Variants in RICTOR observed in about 807,000 individuals in gnomAD.
RICTOR encodes RPTOR independent companion of MTOR complex 2.
Under a neutral mutation model 214.9 loss-of-function variants are expected in RICTOR, and 49 were observed. That is an observed-to-expected ratio of 0.23 (90% CI 0.18 to 0.29). The LOEUF (loss-of-function observed/expected upper bound fraction) is 0.29. Among genes scored for constraint, RICTOR ranks in the 10% least tolerant of loss-of-function variants. RICTOR has a pLI of 1.00. For missense variants in RICTOR, 1,625 were observed against 2,047.0 expected (o/e 0.79, Z 3.98); for synonymous variants, 717 against 711.3 (o/e 1.01, Z -0.13).
At chr5:39,004,749 G>A (rs1006657706) in intron 3 of RICTOR, among the ~76,000 whole-genome samples, 5 of 150,078 alleles carry the variant, frequency 3.3e-5, no homozygotes, top group Non-Finnish European at 5.9e-5. Context: ...TTACAGGCGT[G>A]AGCCACCGCA....
chr5:39,031,210 G>T (rs924628734), intron 2 of RICTOR, among the ~76,000 whole-genome samples: 2 of 152,130 alleles, frequency 1.3e-5, no homozygotes, highest in African/African-American at 4.8e-5. Context: ...GATTATTACA[G>T]TTAATGACTG....
chr5:38,984,665 T>A (rs1218680284), intron 7 of RICTOR, among the ~76,000 whole-genome samples: 3 of 152,188 alleles, frequency 2.0e-5, no homozygotes, highest in African/African-American at 7.2e-5. Context: ...TCTTTTTTTT[T>A]AGCTTAAACT....
intron 32 of RICTOR, among the ~76,000 whole-genome samples, 173 bp downstream of exon 32, chr5:38,947,091 T>C (rs1249784219): frequency 1.3e-5 from 2 of 152,074 alleles, no homozygotes; most frequent in African/African-American, 2.4e-5. Context: ...TACAGAGTAG[T>C]TGAAAAGGGC....
chr5:39,064,237 CA>C (rs1401461613), intron 2 of RICTOR, among the ~76,000 whole-genome samples: 2 of 152,098 alleles, frequency 1.3e-5, no homozygotes, highest in South Asian at 4.1e-4. Context: ...GCCACTGTAA[CA>C]AAAAAACACA....
rs1753729851 is a variant in RICTOR, at chr5:39,002,644, C to T, written c.283G>A (p.Glu95Lys). ...IICLRLALLNEAKEVRAAGLR... is the reference protein window; with the variant it reads ...IICLRLALLNKAKEVRAAGLR... ...CCTGCTGCTCGCACTTCTTTTGCTT[C>T]ATTTAATAAAGCTAACCGCAAACTG... Residue 95 changes from glutamate (E) to lysine (K), a missense_variant, in exon 5 of 38, where the codon GAA becomes AAA. Around this residue, in one of 5 missense-constraint regions of RICTOR, gnomAD observed 258 missense variants for 393.7 expected, o/e 0.66. Coordinates refer to ENST00000357387, the MANE Select transcript of RICTOR (RefSeq NM_152756.5). The T allele has an allele frequency of 6.2e-7, 1 of 1,609,130 alleles. No individual in the cohort carries two copies. Among genetic ancestry groups the T allele is most frequent in the Non-Finnish European group, 8.5e-7 (1 of 1,178,104 alleles).
chr5:39,065,353 A>G (rs185533106), intron 2 of RICTOR, among the ~76,000 whole-genome samples: 38 of 152,294 alleles, frequency 2.5e-4, no homozygotes, highest in African/African-American at 9.1e-4. Flanking sequence ...ATCCACTCCC[A>G]TGACCCAAAC....
At chr5:38,991,366 T>C (rs764768653) in intron 6 of RICTOR, among the ~76,000 whole-genome samples, 6 of 152,124 alleles carry the variant, frequency 3.9e-5, no homozygotes, top group Non-Finnish European at 5.9e-5. Context: ...GAATAGGGCC[T>C]AAATCTTAAA....
At chr5:39,036,616 A>G (rs1215672643) in intron 2 of RICTOR, among the ~76,000 whole-genome samples, 1 of 152,196 alleles carries the variant, frequency 6.6e-6, no homozygotes, top group Non-Finnish European at 1.5e-5. Context: ...AAAGGGATGG[A>G]GGAAGATCTA....
intron 2 of RICTOR, among the ~76,000 whole-genome samples, chr5:39,035,707 G>A (rs901403947): frequency 3.3e-5 from 5 of 152,226 alleles, no homozygotes; most frequent in African/African-American, 1.2e-4. Context: ...TCAACTGGAA[G>A]AAAGGGTATC....
chr5:39,027,318 A>G (rs1330837072), intron 2 of RICTOR, among the ~76,000 whole-genome samples: 1 of 152,168 alleles, frequency 6.6e-6, no homozygotes, highest in African/African-American at 2.4e-5. Context: ...ATTACTGATG[A>G]TTTATTTTTA....
chr5:38,958,385 T>C, intron 24 of RICTOR, 58 bp downstream of exon 24: 1 of 1,072,842 alleles, frequency 9.3e-7, no homozygotes, highest in Non-Finnish European at 1.5e-6. Context: ...CTATCTTTAA[T>C]ATACACTGCC....
rs1580071532 is a variant in RICTOR, at chr5:39,003,911, A to G, written c.196-289T>C. Among the ~76,000 whole-genome samples, 3 of 152,222 alleles carry G rather than the reference A, an allele frequency of 2.0e-5. No individual in the cohort carries two copies. In the East Asian group the frequency reaches 5.8e-4, roughly 29 times the overall value. On this transcript the variant is annotated intron_variant, in intron 3 of 37. Coordinates refer to ENST00000357387, the MANE Select transcript of RICTOR (RefSeq NM_152756.5). Reference sequence around the variant, plus strand: ...TTACTGTTTTAAAAATGGTTCTTTTAGTGGCTACTATTAAGATTACAACAT... The same window carrying G: ...TTACTGTTTTAAAAATGGTTCTTTTGGTGGCTACTATTAAGATTACAACAT...
At chr5:39,049,189 A>G (rs1344755999) in intron 2 of RICTOR, among the ~76,000 whole-genome samples, 1 of 152,152 alleles carries the variant, frequency 6.6e-6, no homozygotes, top group Non-Finnish European at 1.5e-5. Flanking sequence ...CCAACCAACC[A>G]GATAACCACC....
chr5:38,954,917 GAAC>G (rs1383071032), intron 26 of RICTOR, 56 bp from the exon 27 acceptor site: 1 of 793,422 alleles, frequency 1.3e-6, no homozygotes, highest in Admixed American at 2.5e-5. Context: ...ATGCTAATTA[GAAC>G]AAAAGAATTT....
chr5:39,019,027 T>C (rs1755185551), intron 3 of RICTOR, among the ~76,000 whole-genome samples: 1 of 152,192 alleles, frequency 6.6e-6, no homozygotes, highest in Non-Finnish European at 1.5e-5. Flanking sequence ...AAGATTAAAC[T>C]GGCTACCAAC....
At chr5:39,070,987 A>G (rs926298085) in intron 2 of RICTOR, among the ~76,000 whole-genome samples, 5 of 152,250 alleles carry the variant, frequency 3.3e-5, no homozygotes, top group Non-Finnish European at 5.9e-5. Context: ...GTCTACTATA[A>G]TGAAGTTCCT....
chr5:39,038,316 A>G (rs1386941192), intron 2 of RICTOR, among the ~76,000 whole-genome samples: 1 of 152,232 alleles, frequency 6.6e-6, no homozygotes, highest in Non-Finnish European at 1.5e-5. Flanking sequence ...GATGGGACGT[A>G]TCTCAAAATA....
At chr5:38,993,069 G>A (rs1391068277) in intron 6 of RICTOR, among the ~76,000 whole-genome samples, 1 of 152,154 alleles carries the variant, frequency 6.6e-6, no homozygotes, top group Non-Finnish European at 1.5e-5. Flanking sequence ...TACACATGGT[G>A]GCAAAAGACA....
chr5:38,953,523 G>A lies in RICTOR; in HGVS notation c.2728C>T (p.Arg910Cys), dbSNP rs143469898. 431 of 1,465,160 alleles carry A rather than the reference G, an allele frequency of 2.9e-4. 1 individual carries two copies. The highest frequency in any genetic ancestry group is 3.8e-4 in the Non-Finnish European group (416 of 1,094,206). 90.8% of individuals were successfully genotyped at this position (1,465,160 alleles called of 1,614,324 possible). The change falls in exon 28 of 38, where the codon CGT becomes TGT. Residue 910 changes from arginine to cysteine, a missense_variant. Transcript: ENST00000357387. Reference protein sequence around the residue: ...NIITELCRNVRTPDLDKWEEI... With the variant: ...NIITELCRNVCTPDLDKWEEI... Reference sequence around the variant, plus strand: ...TCCCACTTATCCAAATCTGGTGTACGAACATTACGACAGAGTTCTGTAATA... The same window carrying A: ...TCCCACTTATCCAAATCTGGTGTACAAACATTACGACAGAGTTCTGTAATA...
Sources: allele counts gnomAD v4.1 joint callset (sites outside exome capture counted in the v4.1 genomes callset), GRCh38; gene constraint gnomAD v4.1.1; regional missense constraint gnomAD v4.1.1; transcripts MANE v1.5; gene names NCBI Gene and HGNC (gene_info 2026-07-23, HGNC 2026-07-21).